The following SPAG16 variants were observed in gnomAD, a reference collection of about 807,000 sequenced individuals.
SPAG16 encodes the protein sperm-associated antigen 16 protein.
In SPAG16, 86 loss-of-function variants were observed where a neutral mutation model predicts 80.4. The observed-to-expected ratio is 1.07, with a 90% CI of 0.90 to 1.28. The LOEUF is 1.28. Among genes scored for constraint, SPAG16 ranks in the 50% most tolerant of loss-of-function variants. The probability of loss-of-function intolerance (pLI) is 0.00; values close to 1 mark genes in which losing one functional copy is unlikely to be tolerated. For missense variants in SPAG16, 870 were observed against 765.3 expected, an observed-to-expected ratio of 1.14 and a Z score of -1.61; for synonymous variants, 294 against 265.9, an observed-to-expected ratio of 1.11 and a Z score of -1.03.
chr2:213,846,028 A>G (rs1011937493), intron 10 of SPAG16, among the ~76,000 whole-genome samples: 4 of 152,226 alleles, frequency 2.6e-5, no homozygotes, highest in Non-Finnish European at 4.4e-5. Flanking sequence ...CTAGCATCTC[A>G]TTGGCTAGTG....
At chr2:214,319,520 TA>T (rs1695953779) in intron 15 of SPAG16, among the ~76,000 whole-genome samples, 1 of 144,926 alleles carries the variant, frequency 6.9e-6, no homozygotes, top group South Asian at 2.2e-4. Flanking sequence ...AAAAAAAAAC[TA>T]TAATAGGAAT....
At chr2:214,307,110 C>A (rs1322925047) in intron 15 of SPAG16, among the ~76,000 whole-genome samples, 1 of 151,886 alleles carries the variant, frequency 6.6e-6, no homozygotes, top group East Asian at 1.9e-4. Flanking sequence ...GGCTCAGTCT[C>A]GGGAAGAGGT....
intron 11 of SPAG16, among the ~76,000 whole-genome samples, chr2:213,898,172 T>C (rs553306446): frequency 6.6e-6 from 1 of 152,270 alleles, no homozygotes; most frequent in Non-Finnish European, 1.5e-5. Flanking sequence ...CCAGAAAGAC[T>C]ATGTATGTTT....
intron 10 of SPAG16, among the ~76,000 whole-genome samples, chr2:213,733,249 T>C (rs1559419965): frequency 6.6e-6 from 1 of 151,422 alleles, no homozygotes; most frequent in Non-Finnish European, 1.5e-5. Flanking sequence ...TTTAAGTTCC[T>C]TATAGATGCT....
At chr2:213,650,411 C>T (rs910357657) in intron 10 of SPAG16, among the ~76,000 whole-genome samples, 32 of 152,128 alleles carry the variant, frequency 2.1e-4, no homozygotes, top group East Asian at 5.8e-4. Context: ...TTACAAAGTC[C>T]CATTTCAAAA....
chr2:213,916,110 T>A (rs2077952758), intron 11 of SPAG16, among the ~76,000 whole-genome samples: 2 of 152,246 alleles, frequency 1.3e-5, no homozygotes, highest in African/African-American at 4.8e-5. Context: ...AGAAGCTCTT[T>A]AGTTTAATTA....
chr2:213,709,440 C>T (rs2065890396), intron 10 of SPAG16, among the ~76,000 whole-genome samples: 1 of 152,130 alleles, frequency 6.6e-6, no homozygotes, highest in Admixed American at 6.5e-5. Context: ...TTAGGAAACA[C>T]TTATGGAATA....
chr2:213,489,233 T>A (rs2074132946), intron 9 of SPAG16, among the ~76,000 whole-genome samples: 1 of 152,160 alleles, frequency 6.6e-6, no homozygotes, highest in African/African-American at 2.4e-5. Context: ...ACTTCTTTTT[T>A]TGAGTACAGT....
chr2:213,395,138 T>G (rs954012235), intron 9 of SPAG16, among the ~76,000 whole-genome samples: 1 of 152,202 alleles, frequency 6.6e-6, no homozygotes, highest in Admixed American at 6.5e-5. Context: ...TCTTGCTATA[T>G]AGCAATTTAT....
chr2:213,694,913 T>G (rs561191602), intron 10 of SPAG16, among the ~76,000 whole-genome samples: 1 of 152,256 alleles, frequency 6.6e-6, no homozygotes, highest in South Asian at 2.1e-4. Flanking sequence ...ATCTTCTACC[T>G]CCCAGTAGTA....
intron 13 of SPAG16, among the ~76,000 whole-genome samples, chr2:214,100,579 T>C (rs948352466): frequency 2.0e-5 from 3 of 152,052 alleles, no homozygotes; most frequent in African/African-American, 7.2e-5. Context: ...GTTCCCTTCT[T>C]TGGGTCTATG....
intron 15 of SPAG16, among the ~76,000 whole-genome samples, chr2:214,256,421 C>T (rs574067660): frequency 2.6e-5 from 4 of 151,880 alleles, no homozygotes; most frequent in East Asian, 1.9e-4. Flanking sequence ...TTTTCTTTTA[C>T]GGTTAGTGCC....
intron 12 of SPAG16, among the ~76,000 whole-genome samples, chr2:214,000,752 G>A (rs890117146): frequency 8.5e-5 from 13 of 152,182 alleles, no homozygotes; most frequent in South Asian, 2.1e-4. Flanking sequence ...GGGTCCATTC[G>A]GGTTTCTAGC....
At chr2:214,402,556 G>A (rs1368976177) in intron 15 of SPAG16, among the ~76,000 whole-genome samples, 1 of 151,904 alleles carries the variant, frequency 6.6e-6, no homozygotes, top group Admixed American at 6.6e-5. Context: ...TTTGGGTGAG[G>A]CTAAGGGGAT....
chr2:214,346,219 C>T (rs1052693002), intron 15 of SPAG16, among the ~76,000 whole-genome samples: 13 of 151,936 alleles, frequency 8.6e-5, no homozygotes, highest in African/African-American at 2.7e-4. Flanking sequence ...TTCCAGGGAG[C>T]GTGTTGTAGC....
intron 13 of SPAG16, among the ~76,000 whole-genome samples, chr2:214,102,221 A>G (rs1576203290): frequency 6.7e-6 from 1 of 148,756 alleles, no homozygotes; most frequent in Non-Finnish European, 1.5e-5. Context: ...GGCCTTGGGG[A>G]TGAGAAGACG....
intron 15 of SPAG16, among the ~76,000 whole-genome samples, chr2:214,335,469 A>AATATAT (rs35837849): frequency 1.3e-5 from 2 of 149,988 alleles, no homozygotes; most frequent in Non-Finnish European, 3.0e-5. Context: ...AACATGGAGG[A>AATATAT]ATATATATAT....
At chr2:213,631,144 CTT>C (rs1445055442) in intron 10 of SPAG16, among the ~76,000 whole-genome samples, 2 of 152,260 alleles carry the variant, frequency 1.3e-5, no homozygotes, top group East Asian at 3.9e-4. Context: ...GAATCAGAAA[CTT>C]ATACTTGCTA....
intron 10 of SPAG16, among the ~76,000 whole-genome samples, chr2:213,701,488 C>T (rs2065418085): frequency 6.6e-6 from 1 of 152,162 alleles, no homozygotes; most frequent in Non-Finnish European, 1.5e-5. Flanking sequence ...CGCTGCTGCA[C>T]TGTGGGAGCC....
Sources: gnomAD v4.1 joint callset for allele counts (sites outside exome capture counted in the v4.1 genomes callset) on GRCh38, gnomAD v4.1.1 for gene constraint, MANE v1.5 for transcripts, NCBI Gene and HGNC (gene_info 2026-07-23, HGNC 2026-07-21) for gene names.